SVIL: variants seen among roughly 807,000 people sequenced by gnomAD.
SVIL encodes supervillin.
Under a neutral mutation model 240.4 loss-of-function variants are expected in SVIL, and 101 were observed. The observed-to-expected ratio is 0.42, with a 90% CI of 0.36 to 0.50. The LOEUF is 0.50. Ranked by LOEUF, SVIL falls within the 20% of genes least tolerant of loss-of-function variation. The pLI, the probability that SVIL is intolerant of heterozygous loss-of-function variation, is 0.01. For synonymous variants in SVIL, 999 were observed against 1,100.0 expected (o/e 0.91, Z 1.82); for missense variants, 2,512 against 2,818.7 (o/e 0.89, Z 2.46).
At chr10:29,535,696 T>C (rs141938972) in intron 7 of SVIL, among the ~76,000 whole-genome samples, 189 of 152,250 alleles carry the variant, frequency 1.2e-3, no homozygotes, top group African/African-American at 4.4e-3. Flanking sequence ...TGCCCCTCAC[T>C]GGCCAGTCCT....
intron 1 of SVIL, among the ~76,000 whole-genome samples, chr10:29,584,628 G>A (rs1209492753): frequency 6.6e-6 from 1 of 152,176 alleles, no homozygotes; most frequent in South Asian, 2.1e-4. Context: ...CCCGTGCCTC[G>A]TTCACTGGCT....
intron 1 of SVIL, among the ~76,000 whole-genome samples, chr10:29,632,327 C>T (rs1436059711): frequency 6.6e-6 from 1 of 151,902 alleles, no homozygotes; most frequent in Non-Finnish European, 1.5e-5. Flanking sequence ...CCTGTCTCTA[C>T]TAAAAATACA....
At chr10:29,528,747 A>T (rs759079906) in intron 12 of SVIL, among the ~76,000 whole-genome samples, 3 of 151,860 alleles carry the variant, frequency 2.0e-5, no homozygotes, top group Admixed American at 1.3e-4. Context: ...AAAAAAACAA[A>T]CAATGCCCCC....
At position 29,628,557 on chromosome 10, in the gene SVIL, A is replaced by T. The variant is rs867528583; in HGVS notation, c.-201+5863T>A. 2.0e-5 allele frequency among the ~76,000 whole-genome samples: 3 copies of T among 152,204 alleles called. No individual in the cohort carries two copies. In the South Asian group the frequency reaches 6.2e-4, roughly 31 times the overall value. ...GAAAGAAACGAGAGGCCTCTGATGA[A>T]CCTAAACACAGTTCACAAATCGTAG... On this transcript the variant is annotated intron_variant, in intron 1 of 37. Transcript: ENST00000355867.
intron 2 of SVIL, among the ~76,000 whole-genome samples, chr10:29,662,214 G>A (rs1327698742): frequency 1.3e-5 from 2 of 152,020 alleles, no homozygotes; most frequent in Admixed American, 1.3e-4. Flanking sequence ...CTTCCTCCCC[G>A]GTCTCATACA....
At chr10:29,558,590 T>C (rs1954152808) in intron 3 of SVIL, among the ~76,000 whole-genome samples, 1 of 152,010 alleles carries the variant, frequency 6.6e-6, no homozygotes. Context: ...TAACATGTAA[T>C]ATAATTAATG....
At chr10:29,566,234 G>C (rs1392706156) in intron 2 of SVIL, among the ~76,000 whole-genome samples, 4 of 151,982 alleles carry the variant, frequency 2.6e-5, no homozygotes, top group Admixed American at 2.6e-4. Context: ...TGCTCACCTT[G>C]CATACATGTG....
intron 17 of SVIL, among the ~76,000 whole-genome samples, chr10:29,509,758 G>A (rs1045398291): frequency 2.6e-5 from 4 of 152,140 alleles, no homozygotes; most frequent in South Asian, 2.1e-4. Flanking sequence ...GCTGAGGCAG[G>A]AGAATCACTT....
chr10:29,709,743 C>G (rs1264434673), intron 1 of SVIL, among the ~76,000 whole-genome samples: 4 of 152,196 alleles, frequency 2.6e-5, no homozygotes, highest in African/African-American at 9.7e-5. Flanking sequence ...AGCATCCTCA[C>G]AAGGTTCAGT....
intron 17 of SVIL, among the ~76,000 whole-genome samples, chr10:29,509,251 C>G (rs12772984): frequency 7.0e-6 from 1 of 142,754 alleles, no homozygotes; most frequent in Non-Finnish European, 1.5e-5. Context: ...ATACCAAGAA[C>G]AGGTGAAAGA....
intron 36 of SVIL, chr10:29,458,803 A>AAATT (rs574845239): frequency 7.4e-4 from 275 of 371,296 alleles, no homozygotes; most frequent in African/African-American, 5.1e-3. Context: ...TTTAAATTTT[A>AAATT]AATTAAAAAA....
intron 1 of SVIL, among the ~76,000 whole-genome samples, chr10:29,709,971 G>C (rs1963164698): frequency 6.6e-6 from 1 of 152,160 alleles, no homozygotes; most frequent in Non-Finnish European, 1.5e-5. Context: ...CAGATTTGGG[G>C]GTGCGCGAGA....
rs113172577 is a variant in SVIL at position 29,532,827 on chromosome 10, C to T, written c.1540G>A (p.Glu514Lys). The change falls in exon 8 of 38, where the codon GAG (glutamate) becomes AAG (lysine). Residue 514 changes from glutamate (E) to lysine (K), a missense_variant. Glu to Lys is a moderately conservative substitution (Grantham distance 56). This residue lies in a region of SVIL where 1,443 missense variants were observed against 1,486.6 expected (regional missense o/e 0.97). Coordinates refer to ENST00000355867, the MANE Select transcript of SVIL (RefSeq NM_021738.3). Reference protein sequence around the residue: ...HQPTERTGRSEMVLYIQSEPV... With the variant: ...HQPTERTGRSKMVLYIQSEPV... The stretch of plus-strand genomic sequence containing the variant: ...TCACTTTGAATGTAGAGAACCATCT[C>T]GCTCCTGCCTGTCCTCTCAGTGGGC... 3.2e-4 allele frequency: 521 copies of T among 1,614,170 alleles called. 5 individuals carry two copies. The African/African-American group carries it at 5.7e-3, about 18-fold the overall frequency.
At chr10:29,506,764 G>GGCCCTAGAGGGAGGGGACAGAA (rs1308072389) in intron 17 of SVIL, among the ~76,000 whole-genome samples, 38 of 149,952 alleles carry the variant, frequency 2.5e-4, no homozygotes, top group Admixed American at 1.4e-3. Context: ...AGGGGACAGA[G>GGCCCTAGAGGGAGGGGACAGAA]GCCCTAGAGG....
At chr10:29,686,994 G>T (rs1378981606) in intron 1 of SVIL, among the ~76,000 whole-genome samples, 1 of 152,092 alleles carries the variant, frequency 6.6e-6, no homozygotes, top group Non-Finnish European at 1.5e-5. Context: ...AACTCCTTAC[G>T]CAAAATAAAA....
intron 1 of SVIL, among the ~76,000 whole-genome samples, chr10:29,631,719 G>C (rs1413564075): frequency 6.6e-6 from 1 of 152,184 alleles, no homozygotes; most frequent in Non-Finnish European, 1.5e-5. Context: ...GGATTGCAGT[G>C]AGCCGAGATT....
intron 5 of SVIL, 95 bp from the exon 6 acceptor site, chr10:29,551,358 G>C: frequency 4.8e-6 from 6 of 1,256,380 alleles, no homozygotes; most frequent in Non-Finnish European, 6.4e-6. Flanking sequence ...GCACACACCT[G>C]GGTGCCCATG....
intron 1 of SVIL, among the ~76,000 whole-genome samples, chr10:29,633,775 C>G (rs1050442227): frequency 2.6e-5 from 4 of 152,058 alleles, no homozygotes; most frequent in African/African-American, 9.7e-5. Flanking sequence ...GAGACCATAG[C>G]AATCTCCAGG....
intron 1 of SVIL, chr10:29,602,355 C>CGT (rs1387338623): frequency 1.9e-6 from 1 of 516,346 alleles, no homozygotes; most frequent in Non-Finnish European, 4.0e-6. Context: ...TCCAACATGC[C>CGT]GTACCTGCTT....
Sources: gnomAD v4.1 joint callset for allele counts (sites outside exome capture counted in the v4.1 genomes callset) on GRCh38, gnomAD v4.1.1 for gene constraint, gnomAD v4.1.1 regional missense constraint, MANE v1.5 for transcripts, NCBI Gene and HGNC (gene_info 2026-07-23, HGNC 2026-07-21) for gene names.